The following GRM8 variants were observed in gnomAD, a reference collection of about 807,000 sequenced individuals.
GRM8 encodes the protein metabotropic glutamate receptor 8.
A neutral mutation model predicts 87.2 loss-of-function variants in GRM8; 47 were observed. The observed-to-expected ratio is 0.54, with a 90% CI of 0.43 to 0.69. The LOEUF (loss-of-function observed/expected upper bound fraction) is 0.69, where lower values mean the gene tolerates loss of function less well. GRM8 is among the 30% of genes least tolerant of loss of function. The pLI is 0.00. For synonymous variants in GRM8, 396 were observed against 404.5 expected, an observed-to-expected ratio of 0.98 and a Z score of 0.25; for missense variants, 1,019 against 1,139.2, an observed-to-expected ratio of 0.89 and a Z score of 1.52.
intron 3 of GRM8, among the ~76,000 whole-genome samples, chr7:126,975,607 C>T (rs1810906754): frequency 6.6e-6 from 1 of 152,208 alleles, no homozygotes; most frequent in African/African-American, 2.4e-5. Flanking sequence ...CTACCCTCAA[C>T]TTTATGCTAA....
At chr7:126,954,729 G>A (rs1169610473) in intron 3 of GRM8, among the ~76,000 whole-genome samples, 9 of 152,130 alleles carry the variant, frequency 5.9e-5, no homozygotes, top group Non-Finnish European at 1.0e-4. Context: ...GTTGTGAAGA[G>A]TAAATCAAAT....
At chr7:126,832,180 AAAAAAG>A (rs1377398741) in intron 6 of GRM8, among the ~76,000 whole-genome samples, 1 of 151,772 alleles carries the variant, frequency 6.6e-6, no homozygotes, top group Non-Finnish European at 1.5e-5. Context: ...CCAAAAAAAA[AAAAAAG>A]AAAAAGAAAA....
At chr7:126,767,563 A>G (rs892612604) in intron 7 of GRM8, among the ~76,000 whole-genome samples, 2 of 152,114 alleles carry the variant, frequency 1.3e-5, no homozygotes, top group Non-Finnish European at 2.9e-5. Context: ...TTGACTGCTT[A>G]AGAAGCTCAA....
At chr7:126,925,974 T>A (rs1155655) in intron 3 of GRM8, among the ~76,000 whole-genome samples, 1 of 152,010 alleles carries the variant, frequency 6.6e-6, no homozygotes, top group Non-Finnish European at 1.5e-5. Flanking sequence ...GCAGGTTGAA[T>A]GTATTTATAG....
rs151140924 is a variant in GRM8, at chr7:127,020,153, AAAG to A, written c.727+86340_727+86342del. 6.4e-4 allele frequency among the ~76,000 whole-genome samples: 98 copies of A among 152,246 alleles called. No homozygotes were observed. In the East Asian group the frequency reaches 0.018, roughly 29 times the overall value. On this transcript the variant is annotated intron_variant, in intron 3 of 10. Coordinates refer to ENST00000339582, the MANE Select transcript of GRM8 (RefSeq NM_000845.3). ...TATCAGAATAGCATGCAGACCATAA[AAAG>A]AATATTTTAAGGACTGTTTCCATTT...
intron 2 of GRM8, among the ~76,000 whole-genome samples, chr7:127,172,323 A>AT (rs1419686725): frequency 6.6e-6 from 1 of 152,140 alleles, no homozygotes; most frequent in Non-Finnish European, 1.5e-5. Flanking sequence ...TTACCAATCC[A>AT]TTACTTTTTT....
At chr7:126,974,936 C>CAAAAAAAAA (rs36129145) in intron 3 of GRM8, among the ~76,000 whole-genome samples, 7 of 59,620 alleles carry the variant, frequency 1.2e-4, no homozygotes, top group African/African-American at 4.0e-4. Context: ...ACTCTTGTCT[C>CAAAAAAAAA]AAAAAAAAAA....
At chr7:127,135,187 G>T (rs1827881047) in intron 2 of GRM8, among the ~76,000 whole-genome samples, 1 of 151,894 alleles carries the variant, frequency 6.6e-6, no homozygotes, top group Non-Finnish European at 1.5e-5. Flanking sequence ...AAATTCATAT[G>T]ATGAAAACAT....
intron 2 of GRM8, among the ~76,000 whole-genome samples, chr7:127,234,923 C>T (rs909269391): frequency 2.0e-5 from 3 of 152,180 alleles, no homozygotes; most frequent in African/African-American, 4.8e-5. Flanking sequence ...GTGCTGTGAA[C>T]CTAAAACTGC....
At chr7:126,820,168 T>G (rs990697143) in intron 6 of GRM8, among the ~76,000 whole-genome samples, 4 of 152,182 alleles carry the variant, frequency 2.6e-5, no homozygotes, top group Admixed American at 1.3e-4. Context: ...AGAAAGAAAG[T>G]AAAAATGCAA....
chr7:126,470,089 G>A (rs571737956), intron 9 of GRM8, among the ~76,000 whole-genome samples: 215 of 152,260 alleles, frequency 1.4e-3, no homozygotes, highest in Non-Finnish European at 2.4e-3. Flanking sequence ...CCACACTCTA[G>A]TAAATAGACT....
intron 9 of GRM8, among the ~76,000 whole-genome samples, chr7:126,489,208 T>G (rs1207465528): frequency 6.6e-6 from 1 of 151,930 alleles, no homozygotes; most frequent in African/African-American, 2.4e-5. Flanking sequence ...TTCTGATATT[T>G]AAATGACGTA....
At chr7:126,604,006 A>T (rs1175235114) in intron 8 of GRM8, among the ~76,000 whole-genome samples, 1 of 151,762 alleles carries the variant, frequency 6.6e-6, no homozygotes, top group African/African-American at 2.4e-5. Context: ...AAAAAAAAAC[A>T]GTTGTTTATC....
At chr7:127,065,261 T>C (rs945324209) in intron 3 of GRM8, among the ~76,000 whole-genome samples, 5 of 152,100 alleles carry the variant, frequency 3.3e-5, no homozygotes, top group African/African-American at 1.2e-4. Context: ...GGCAAACTGA[T>C]GAAGGAATGG....
chr7:127,126,898 T>G (rs1252299786), intron 2 of GRM8, among the ~76,000 whole-genome samples: 1 of 151,450 alleles, frequency 6.6e-6, no homozygotes, highest in African/African-American at 2.4e-5. Flanking sequence ...ATACAAACAG[T>G]CCAAATTTTA....
At chr7:127,169,757 A>G (rs1218235356) in intron 2 of GRM8, among the ~76,000 whole-genome samples, 1 of 152,242 alleles carries the variant, frequency 6.6e-6, no homozygotes, top group Non-Finnish European at 1.5e-5. Flanking sequence ...GCCCTTAAGA[A>G]TGATGTTAAA....
chr7:126,690,845 T>C (rs558934209), intron 7 of GRM8, among the ~76,000 whole-genome samples: 127 of 152,272 alleles, frequency 8.3e-4, no homozygotes, highest in African/African-American at 3.0e-3. Context: ...CCATAATGTG[T>C]AGCTCCTCTC....
intron 6 of GRM8, among the ~76,000 whole-genome samples, chr7:126,887,492 A>T (rs901658382): frequency 2.0e-5 from 3 of 152,026 alleles, no homozygotes; most frequent in Non-Finnish European, 4.4e-5. Context: ...GAAGGGAGAT[A>T]TTGAGAACAG....
chr7:126,848,180 C>A (rs1190556158), intron 6 of GRM8, among the ~76,000 whole-genome samples: 1 of 152,112 alleles, frequency 6.6e-6, no homozygotes, highest in African/African-American at 2.4e-5. Flanking sequence ...AGGAACAGAT[C>A]TGAGCAGACA....
Sources: allele counts gnomAD v4.1 joint callset (sites outside exome capture counted in the v4.1 genomes callset), GRCh38; gene constraint gnomAD v4.1.1; transcripts MANE v1.5; gene names NCBI Gene and HGNC (gene_info 2026-07-23, HGNC 2026-07-21).